EPB41L4A: variants seen among roughly 807,000 people sequenced by gnomAD.
EPB41L4A encodes erythrocyte membrane protein band 4.1 like 4A, also known as band 4.1-like protein 4A.
EPB41L4A carries 100 observed loss-of-function variants against 108.6 expected under a neutral mutation model. The observed-to-expected ratio is 0.92, with a 90% CI of 0.78 to 1.09. The LOEUF (loss-of-function observed/expected upper bound fraction) is 1.09. EPB41L4A is among the 50% of genes least tolerant of loss of function. EPB41L4A has a pLI of 0.00. For missense variants in EPB41L4A, 1,030 were observed against 842.7 expected (o/e 1.22, Z -2.75); for synonymous variants, 319 against 289.0 (o/e 1.10, Z -1.05).
chr5:112,173,006 G>C (rs1002226108), intron 18 of EPB41L4A, among the ~76,000 whole-genome samples: 17 of 152,290 alleles, frequency 1.1e-4, no homozygotes, highest in Middle Eastern at 3.4e-3. Context: ...CAGTGTGACA[G>C]CCAAAAATGT....
Position 112,338,466 on chromosome 5 carries a change from G to A in EPB41L4A, c.100-30976C>T, listed in dbSNP as rs762410088. Among the ~76,000 whole-genome samples, 185 of 152,174 alleles carry A rather than the reference G, an allele frequency of 1.2e-3. 1 individual carries two copies. The highest frequency in any genetic ancestry group is 3.4e-3 in the Middle Eastern group (1 of 294). ...TTAACCTGAACAAGCCCAATACATG[G>A]TCATACCAGGTCGCTGCACCTGTGC... On this transcript the variant is annotated intron_variant, in intron 1 of 22. Coordinates refer to ENST00000261486, the MANE Select transcript of EPB41L4A (RefSeq NM_022140.5).
intron 1 of EPB41L4A, among the ~76,000 whole-genome samples, chr5:112,395,048 A>G (rs1187244469): frequency 6.6e-6 from 1 of 152,274 alleles, no homozygotes; most frequent in Non-Finnish European, 1.5e-5. Context: ...CCATATGTAG[A>G]AAGTTGAAAC....
chr5:112,156,709 T>C (rs1759660057), intron 12 of EPB41L4A, among the ~76,000 whole-genome samples: 1 of 152,204 alleles, frequency 6.6e-6, no homozygotes, highest in Non-Finnish European at 1.5e-5. Flanking sequence ...ACCATTTTCA[T>C]ATAGATGTCA....
chr5:112,267,293 G>A (rs1020000217), intron 4 of EPB41L4A, among the ~76,000 whole-genome samples: 6 of 151,312 alleles, frequency 4.0e-5, no homozygotes, highest in African/African-American at 7.3e-5. Context: ...CACTGGGAAG[G>A]GAAGAAAAAA....
chr5:112,385,861 A>T (rs1017815672), intron 1 of EPB41L4A, among the ~76,000 whole-genome samples: 2 of 152,234 alleles, frequency 1.3e-5, no homozygotes, highest in African/African-American at 4.8e-5. Context: ...AATCGGTAGG[A>T]TGTTTCTGGA....
At chr5:112,390,526 G>A (rs1489684027) in intron 1 of EPB41L4A, among the ~76,000 whole-genome samples, 1 of 152,142 alleles carries the variant, frequency 6.6e-6, no homozygotes, top group African/African-American at 2.4e-5. Context: ...GCTTGAGTAG[G>A]TAAATAAAGC....
At chr5:112,356,302 T>C (rs1758355478) in intron 1 of EPB41L4A, among the ~76,000 whole-genome samples, 1 of 151,994 alleles carries the variant, frequency 6.6e-6, no homozygotes, top group Admixed American at 6.5e-5. Context: ...ACTGTAGAGG[T>C]TAATACTATC....
chr5:112,397,780 C>T (rs529831988), intron 1 of EPB41L4A, among the ~76,000 whole-genome samples: 26 of 152,062 alleles, frequency 1.7e-4, no homozygotes, highest in African/African-American at 6.0e-4. Context: ...ATTATTATTC[C>T]CCATTTTTTA....
chr5:112,413,220 C>T (rs551480424), intron 1 of EPB41L4A, among the ~76,000 whole-genome samples: 3 of 152,270 alleles, frequency 2.0e-5, no homozygotes, highest in East Asian at 3.9e-4. Context: ...AATACAAAAA[C>T]GGTGTGATTC....
At chr5:112,245,102 A>G (rs940682270) in intron 9 of EPB41L4A, among the ~76,000 whole-genome samples, 6 of 150,532 alleles carry the variant, frequency 4.0e-5, no homozygotes, top group African/African-American at 1.5e-4. Context: ...AATAAAGTGA[A>G]GTGCAAAAAA....
intron 4 of EPB41L4A, among the ~76,000 whole-genome samples, chr5:112,272,094 A>T (rs1252614823): frequency 3.3e-5 from 5 of 151,532 alleles, no homozygotes; most frequent in African/African-American, 1.2e-4. Context: ...TATTAATAGT[A>T]TGACCATATA....
At chr5:112,306,813 TGG>T (rs1754713757) in intron 2 of EPB41L4A, among the ~76,000 whole-genome samples, 1 of 146,622 alleles carries the variant, frequency 6.8e-6, no homozygotes, top group African/African-American at 2.6e-5. Flanking sequence ...TACTCCGGAC[TGG>T]AAGACCCTCT....
chr5:112,142,268 G>A (rs751512220), downstream of EPB41L4A, among the ~76,000 whole-genome samples: 9 of 152,216 alleles, frequency 5.9e-5, no homozygotes, highest in Non-Finnish European at 1.0e-4. Flanking sequence ...TCTGTCTGTC[G>A]ACAGCTTTCT....
At chr5:112,395,780 G>A (rs1268205060) in intron 1 of EPB41L4A, among the ~76,000 whole-genome samples, 2 of 152,142 alleles carry the variant, frequency 1.3e-5, no homozygotes, top group African/African-American at 2.4e-5. Flanking sequence ...ATGCTACTAT[G>A]AAGACTTATG....
At chr5:112,171,288 G>A (rs969728416) in intron 18 of EPB41L4A, among the ~76,000 whole-genome samples, 29 of 152,208 alleles carry the variant, frequency 1.9e-4, no homozygotes, top group African/African-American at 6.3e-4. Context: ...ACTGTACAAC[G>A]AAGAATGATT....
chr5:112,353,177 G>T (rs1301372577), intron 1 of EPB41L4A, among the ~76,000 whole-genome samples: 2 of 152,154 alleles, frequency 1.3e-5, no homozygotes, highest in Non-Finnish European at 2.9e-5. Flanking sequence ...AAGGACACCA[G>T]CTAGACCAGT....
chr5:112,417,299 A>G (rs1762773064), intron 1 of EPB41L4A, among the ~76,000 whole-genome samples: 1 of 152,226 alleles, frequency 6.6e-6, no homozygotes, highest in African/African-American at 2.4e-5. Context: ...TACACGCTCT[A>G]CAGCTGATAG....
At chr5:112,204,535 G>C in intron 14 of EPB41L4A, 47 bp from the exon 15 acceptor site, 1 of 1,281,914 alleles carries the variant, frequency 7.8e-7, no homozygotes, top group East Asian at 2.3e-5. Context: ...GAGTTCCTGG[G>C]GGAAAACACA....
intron 9 of EPB41L4A, among the ~76,000 whole-genome samples, chr5:112,258,626 T>A (rs564200986): frequency 8.5e-5 from 13 of 152,290 alleles, no homozygotes; most frequent in Non-Finnish European, 1.6e-4. Flanking sequence ...CTTTCGACCA[T>A]TTTTCTCAAA....
Sources: allele counts gnomAD v4.1 joint callset (sites outside exome capture counted in the v4.1 genomes callset), GRCh38; gene constraint gnomAD v4.1.1; transcripts MANE v1.5; gene names NCBI Gene and HGNC (gene_info 2026-07-23, HGNC 2026-07-21).